PLAAT3: variants seen among roughly 807,000 people sequenced by gnomAD.
The protein encoded by PLAAT3 is phospholipase A and acyltransferase 3, also known as Ca-independent phospholipase A1/2.
A neutral mutation model predicts 16.7 loss-of-function variants in PLAAT3; 21 were observed. The observed-to-expected ratio is 1.26, with a 90% CI of 0.89 to 1.81. The LOEUF (loss-of-function observed/expected upper bound fraction) is 1.81. Ranked by LOEUF, PLAAT3 falls within the 40% of genes most tolerant of loss-of-function variation. PLAAT3 has a pLI of 0.00. For missense variants in PLAAT3, 219 were observed against 213.7 expected, an observed-to-expected ratio of 1.02 and a Z score of -0.16; for synonymous variants, 76 against 81.7, an observed-to-expected ratio of 0.93 and a Z score of 0.38.
chr11:63,592,505 A>G (rs1297418407), intron 3 of PLAAT3, among the ~76,000 whole-genome samples: 1 of 152,180 alleles, frequency 6.6e-6, no homozygotes, highest in African/African-American at 2.4e-5. Context: ...AAGTGAGTCT[A>G]CTGAAGAAAA....
At chr11:63,605,810 C>T (rs996584778) in intron 2 of PLAAT3, among the ~76,000 whole-genome samples, 3 of 152,102 alleles carry the variant, frequency 2.0e-5, no homozygotes, top group Non-Finnish European at 4.4e-5. Flanking sequence ...CCTCAGACTC[C>T]CAAGGTGCTA....
chr11:63,587,074 A>G (rs911206774), intron 4 of PLAAT3, among the ~76,000 whole-genome samples: 2 of 152,216 alleles, frequency 1.3e-5, no homozygotes, highest in Non-Finnish European at 2.9e-5. Context: ...ACGAAACAAG[A>G]CTCTGTCTTA....
At chr11:63,607,821 C>T (rs907461520) in intron 2 of PLAAT3, among the ~76,000 whole-genome samples, 9 of 151,828 alleles carry the variant, frequency 5.9e-5, no homozygotes, top group African/African-American at 2.2e-4. Context: ...GAGTGGGAAT[C>T]TCAAGGTGCT....
chr11:63,574,674 G>T lies in PLAAT3; in HGVS notation c.*271C>A. On this transcript the variant is annotated 3_prime_UTR_variant, in exon 5 of 5. Transcript: ENST00000415826. Reference sequence around the variant, plus strand: ...TAACTGGAGCTGGACTCTGCCTCCTGCAATGCAAAGAACACAGCACGCAAA... The same window carrying T: ...TAACTGGAGCTGGACTCTGCCTCCTTCAATGCAAAGAACACAGCACGCAAA... 1 of 404,758 alleles carries T rather than the reference G, an allele frequency of 2.5e-6. No homozygotes were observed. Among genetic ancestry groups the T allele is most frequent in the South Asian group, 3.1e-5 (1 of 32,004 alleles). 25.1% of individuals were successfully genotyped at this position (404,758 alleles called of 1,614,324 possible). A position where few individuals can be genotyped will look rare whatever the true frequency, so the allele number is the denominator to read the frequency against.
chr11:63,586,152 GAGA>G (rs1240667232), intron 4 of PLAAT3, among the ~76,000 whole-genome samples: 1 of 152,102 alleles, frequency 6.6e-6, no homozygotes, highest in Non-Finnish European at 1.5e-5. Flanking sequence ...GTGTGTGTTT[GAGA>G]AGGAGTCTCG....
intron 4 of PLAAT3, among the ~76,000 whole-genome samples, chr11:63,581,218 G>A (rs1408599312): frequency 6.6e-6 from 1 of 152,204 alleles, no homozygotes; most frequent in Non-Finnish European, 1.5e-5. Flanking sequence ...CAGGGAACAA[G>A]GAAAGATAAC....
chr11:63,590,434 GCC>G (rs1297910135), intron 3 of PLAAT3, 66 bp from the exon 4 acceptor site: 6 of 1,478,532 alleles, frequency 4.1e-6, no homozygotes, highest in Non-Finnish European at 5.6e-6. Context: ...CTCAGAGCTG[GCC>G]CCCAGCCGGG....
chr11:63,615,058 A>ATGTG (rs1938804685), upstream of PLAAT3, among the ~76,000 whole-genome samples: 8 of 42,234 alleles, frequency 1.9e-4, no homozygotes, highest in South Asian at 1.2e-3. Context: ...ATATGTGTAT[A>ATGTG]TATATGTGTG....
chr11:63,586,387 G>A (rs1937979174), intron 4 of PLAAT3, among the ~76,000 whole-genome samples: 1 of 152,168 alleles, frequency 6.6e-6, no homozygotes, highest in Non-Finnish European at 1.5e-5. Context: ...ACCCACCCCA[G>A]CCTCCCAAAG....
intron 4 of PLAAT3, among the ~76,000 whole-genome samples, chr11:63,583,048 T>C (rs2134396705): frequency 6.6e-6 from 1 of 152,134 alleles, no homozygotes; most frequent in East Asian, 1.9e-4. Flanking sequence ...GGAGAATCAC[T>C]TGAACCGGGA....
At chr11:63,605,396 CA>C (rs536831234) in intron 2 of PLAAT3, among the ~76,000 whole-genome samples, 88 of 151,926 alleles carry the variant, frequency 5.8e-4, no homozygotes, top group African/African-American at 2.1e-3. Context: ...GAGACTGTCT[CA>C]AAAAACAAAA....
chr11:63,575,217 GA>G (rs1276514636), intron 4 of PLAAT3, among the ~76,000 whole-genome samples, 171 bp from the exon 5 acceptor site: 2 of 152,234 alleles, frequency 1.3e-5, no homozygotes, highest in Non-Finnish European at 2.9e-5. Flanking sequence ...GGCTGGACGG[GA>G]AAAGAATTCG....
chr11:63,598,279 G>T, intron 2 of PLAAT3, 116 bp from the exon 3 acceptor site: 1 of 703,472 alleles, frequency 1.4e-6, no homozygotes, highest in South Asian at 1.7e-5. Flanking sequence ...CAGAACATAT[G>T]TCCTGAGCCC....
At chr11:63,613,728 C>CCT (rs1478815686) in intron 2 of PLAAT3, among the ~76,000 whole-genome samples, 3 of 152,156 alleles carry the variant, frequency 2.0e-5, no homozygotes, top group Non-Finnish European at 4.4e-5. Context: ...CAGACCTGCC[C>CCT]TGGCCACCTC....
At chr11:63,579,411 G>A (rs907415094) in intron 4 of PLAAT3, among the ~76,000 whole-genome samples, 1 of 152,062 alleles carries the variant, frequency 6.6e-6, no homozygotes, top group Non-Finnish European at 1.5e-5. Context: ...CTGCTATAAA[G>A]ACACATGCAC....
chr11:63,602,464 A>AT (rs1938457472), intron 2 of PLAAT3, among the ~76,000 whole-genome samples: 1 of 152,100 alleles, frequency 6.6e-6, no homozygotes, highest in South Asian at 2.1e-4. Context: ...TCTCAGCTGA[A>AT]TCAAAACTAA....
chr11:63,582,743 A>G (rs560749563), intron 4 of PLAAT3, among the ~76,000 whole-genome samples: 84 of 152,288 alleles, frequency 5.5e-4, no homozygotes, highest in Non-Finnish European at 9.4e-4. Flanking sequence ...CATTAAACAC[A>G]TTTATGGCCC....
intron 4 of PLAAT3, among the ~76,000 whole-genome samples, chr11:63,581,199 A>C (rs1357973871): frequency 6.6e-6 from 1 of 152,264 alleles, no homozygotes; most frequent in Non-Finnish European, 1.5e-5. Flanking sequence ...ACAGAATAAC[A>C]GCGATTTTCA....
At chr11:63,588,502 C>T (rs1365561245) in intron 4 of PLAAT3, among the ~76,000 whole-genome samples, 2 of 152,114 alleles carry the variant, frequency 1.3e-5, no homozygotes, top group Admixed American at 6.6e-5. Context: ...ACCTTTTTAA[C>T]CTGACAATAT....
Sources: gnomAD v4.1 joint callset for allele counts (sites outside exome capture counted in the v4.1 genomes callset) on GRCh38, gnomAD v4.1.1 for gene constraint, MANE v1.5 for transcripts, NCBI Gene and HGNC (gene_info 2026-07-23, HGNC 2026-07-21) for gene names.